The following SBF2 variants were observed in gnomAD, a reference collection of about 807,000 sequenced individuals.
SBF2 encodes SET binding factor 2.
A neutral mutation model predicts 225.2 loss-of-function variants in SBF2; 112 were observed. The ratio of observed to expected loss-of-function variants is 0.50; its 90% CI spans 0.43 to 0.58. The LOEUF (loss-of-function observed/expected upper bound fraction) is 0.58, where lower values mean the gene tolerates loss of function less well. Ranked by LOEUF, SBF2 falls within the 20% of genes least tolerant of loss-of-function variation. SBF2 has a pLI of 0.00. For missense variants in SBF2, 1,996 were observed against 2,206.2 expected (o/e 0.90, Z 1.91); for synonymous variants, 763 against 773.3 (o/e 0.99, Z 0.22).
chr11:9,893,418 A>G (rs1860996531), intron 17 of SBF2, among the ~76,000 whole-genome samples: 1 of 152,162 alleles, frequency 6.6e-6, no homozygotes, highest in African/African-American at 2.4e-5. Flanking sequence ...CCTTATAAAC[A>G]TTTCTCCTTT....
At chr11:9,924,670 G>A (rs1227474185) in intron 16 of SBF2, among the ~76,000 whole-genome samples, 3 of 152,074 alleles carry the variant, frequency 2.0e-5, no homozygotes, top group African/African-American at 7.2e-5. Context: ...GACCTCAGGC[G>A]ATCCACCCCC....
chr11:10,056,015 A>T (rs1306568010), intron 2 of SBF2, among the ~76,000 whole-genome samples: 1 of 152,234 alleles, frequency 6.6e-6, no homozygotes, highest in Non-Finnish European at 1.5e-5. Flanking sequence ...AGTTTTGAAC[A>T]TTCAAGTTTT....
chr11:10,067,248 G>T (rs1176986366), intron 2 of SBF2, among the ~76,000 whole-genome samples: 2 of 152,172 alleles, frequency 1.3e-5, no homozygotes, highest in Non-Finnish European at 2.9e-5. Context: ...TTGTTGAAGG[G>T]CTGGCCAACT....
At chr11:10,297,837 A>G (rs983587311), upstream of SBF2, among the ~76,000 whole-genome samples, 35 of 152,382 alleles carry the variant, frequency 2.3e-4, no homozygotes, top group African/African-American at 8.2e-4. Flanking sequence ...TTTTGTATAC[A>G]CTAAAGCTGT....
intron 28 of SBF2, among the ~76,000 whole-genome samples, chr11:9,818,402 A>G (rs1854570326): frequency 6.6e-6 from 1 of 152,206 alleles, no homozygotes; most frequent in African/African-American, 2.4e-5. Flanking sequence ...GGCATGTACT[A>G]ATTCTCAAAT....
chr11:9,903,615 T>C (rs2134161319), intron 16 of SBF2, among the ~76,000 whole-genome samples: 1 of 152,138 alleles, frequency 6.6e-6, no homozygotes, highest in Admixed American at 6.5e-5. Flanking sequence ...GGGAAAGAAA[T>C]GAAATAATGC....
intron 37 of SBF2, chr11:9,784,846 G>C: frequency 1.9e-6 from 1 of 530,040 alleles, no homozygotes; most frequent in African/African-American, 1.9e-5. Flanking sequence ...ACAAAGTGCT[G>C]GCTGACACAT....
At chr11:10,232,418 T>G (rs906092496) in intron 1 of SBF2, among the ~76,000 whole-genome samples, 1 of 152,232 alleles carries the variant, frequency 6.6e-6, no homozygotes. Flanking sequence ...AGCTGTAGAC[T>G]GGAGCTGTTC....
intron 1 of SBF2, among the ~76,000 whole-genome samples, chr11:10,254,590 T>C (rs1407929109): frequency 6.6e-6 from 1 of 150,896 alleles, no homozygotes; most frequent in Non-Finnish European, 1.5e-5. Context: ...CATACACAAT[T>C]GAATACTATT....
chr11:10,217,380 C>A (rs996388971), intron 1 of SBF2, among the ~76,000 whole-genome samples: 2 of 152,076 alleles, frequency 1.3e-5, no homozygotes, highest in South Asian at 4.1e-4. Context: ...ACTTTATATT[C>A]TTCTGTTTAA....
chr11:10,217,055 A>C (rs1399237388), intron 1 of SBF2, among the ~76,000 whole-genome samples: 1 of 152,236 alleles, frequency 6.6e-6, no homozygotes, highest in Non-Finnish European at 1.5e-5. Context: ...GTAGGTAATC[A>C]ATGGACACTA....
chr11:9,947,815 C>G (rs1173917177), intron 16 of SBF2, among the ~76,000 whole-genome samples: 1 of 151,882 alleles, frequency 6.6e-6, no homozygotes, highest in Non-Finnish European at 1.5e-5. Context: ...TATGGAGAAA[C>G]TGAAACCCTT....
At chr11:10,191,275 T>C (rs1020610130) in intron 2 of SBF2, among the ~76,000 whole-genome samples, 2 of 152,186 alleles carry the variant, frequency 1.3e-5, no homozygotes, top group African/African-American at 2.4e-5. Context: ...ATCTTTGGTC[T>C]TGAAGCCGCA....
intron 17 of SBF2, among the ~76,000 whole-genome samples, chr11:9,861,349 C>T (rs920864775): frequency 7.2e-5 from 11 of 152,160 alleles, no homozygotes; most frequent in African/African-American, 2.2e-4. Context: ...CATGTACTGC[C>T]ATGCCTGGCT....
At position 9,968,429 on chromosome 11, in the gene SBF2, T is replaced by G; in HGVS notation, c.1512A>C (p.Leu504Phe). Residue 504 changes from leucine (L) to phenylalanine (F), a missense_variant, in exon 14 of 40, where the codon TTA becomes TTC. By Grantham distance (22) the Leu-to-Phe change is conservative. Transcript: ENST00000256190. ...GGTTCTTAGCAACATTTTCCTGTAT[T>G]AATTCCTGAACCCGGGCTTCATTAA... ...PEINEARVQE[L>F]IQENVAKNQN... The G allele has an allele frequency of 6.2e-7, 1 of 1,614,138 alleles. No homozygotes were observed. The highest frequency in any genetic ancestry group is 8.5e-7 in the Non-Finnish European group (1 of 1,179,988).
chr11:9,919,416 C>T (rs1043609334), intron 16 of SBF2, among the ~76,000 whole-genome samples: 11 of 152,062 alleles, frequency 7.2e-5, no homozygotes, highest in Admixed American at 1.3e-4. Flanking sequence ...CTGGGGGCAT[C>T]GGCAAGACTC....
At position 9,832,422 on chromosome 11, in the gene SBF2, T is replaced by G; in HGVS notation, c.3456-2A>C. The G allele has an allele frequency of 6.2e-7, 1 of 1,608,988 alleles. No individual in the cohort carries two copies. The highest frequency in any genetic ancestry group is 8.5e-7 in the Non-Finnish European group (1 of 1,175,662). ...GGTACGACTAAAAGGCCAGGATAGC[T>G]TCAGAGACATAGAATAGAGAAGAGA... On this transcript the variant is annotated splice_acceptor_variant, in intron 26 of 39. Coordinates refer to ENST00000256190, the MANE Select transcript of SBF2 (RefSeq NM_030962.4). LOFTEE classifies it high-confidence loss of function.
intron 2 of SBF2, among the ~76,000 whole-genome samples, chr11:10,164,646 C>T (rs569010435): frequency 7.9e-5 from 12 of 152,246 alleles, no homozygotes; most frequent in African/African-American, 2.9e-4. Flanking sequence ...CTTGGTTCCA[C>T]TGAGTATCAC....
At chr11:9,887,030 T>C (rs1860380584) in intron 17 of SBF2, among the ~76,000 whole-genome samples, 1 of 152,134 alleles carries the variant, frequency 6.6e-6, no homozygotes, top group African/African-American at 2.4e-5. Context: ...TGAACTGAAC[T>C]GTACTATATT....
Sources: gnomAD v4.1 joint callset for allele counts (sites outside exome capture counted in the v4.1 genomes callset) on GRCh38, gnomAD v4.1.1 for gene constraint, MANE v1.5 for transcripts, NCBI Gene and HGNC (gene_info 2026-07-23, HGNC 2026-07-21) for gene names.